The following DOCK6 variants were observed in gnomAD, a reference collection of about 807,000 sequenced individuals.
DOCK6 encodes dedicator of cytokinesis protein 6.
In DOCK6, 167 loss-of-function variants were observed where a neutral mutation model predicts 230.3. The observed-to-expected ratio is 0.73, with a 90% CI of 0.64 to 0.82. The LOEUF is 0.82. Ranked by LOEUF, DOCK6 falls within the 40% of genes least tolerant of loss-of-function variation. DOCK6 has a pLI of 0.00. For missense variants in DOCK6, 2,598 were observed against 2,825.8 expected (o/e 0.92, Z 1.83); for synonymous variants, 1,148 against 1,185.0 (o/e 0.97, Z 0.64).
chr19:11,236,966 A>G lies in DOCK6; in HGVS notation c.2074-87T>C. On this transcript the variant is annotated intron_variant, in intron 18 of 47. Coordinates refer to ENST00000294618, the MANE Select transcript of DOCK6 (RefSeq NM_020812.4). This position sits in a 1 kb window ranked among gnomAD's most constrained non-coding sequence, Gnocchi z 5.2. The stretch of plus-strand genomic sequence containing the variant: ...GCGGCCCCAGCCATTGCGACACTGC[A>G]GCGTGAGTGTAGCCCGGTCTGGGGG... 1 of 1,363,958 alleles carries G rather than the reference A, an allele frequency of 7.3e-7. No homozygotes were observed. Among genetic ancestry groups the G allele is most frequent in the Non-Finnish European group, 1.0e-6 (1 of 1,001,082 alleles). The allele number at this position is 1,363,958 out of a possible 1,614,324, so 84.5% of individuals were successfully genotyped here. A position where few individuals can be genotyped will look rare whatever the true frequency, so the allele number is the denominator to read the frequency against.
rs2079581275 is a variant in DOCK6, at chr19:11,221,763, T to A, written c.3550+88A>T. Reference sequence around the variant, plus strand: ...ATCCTAATGTCTATACTCATACCAGTGACTGTGTTCTCCCACCTTTACTAT... The same window carrying A: ...ATCCTAATGTCTATACTCATACCAGAGACTGTGTTCTCCCACCTTTACTAT... On this transcript the variant is annotated intron_variant, in intron 28 of 47. Coordinates refer to ENST00000294618, the MANE Select transcript of DOCK6 (RefSeq NM_020812.4). 1.0e-5 allele frequency: 16 copies of A among 1,589,778 alleles called. No individual in the cohort carries two copies. In the South Asian group the frequency reaches 1.8e-4, roughly 18 times the overall value.
chr19:11,244,293 T>C (rs2079998216), intron 9 of DOCK6, among the ~76,000 whole-genome samples: 1 of 147,696 alleles, frequency 6.8e-6, no homozygotes, highest in Non-Finnish European at 1.5e-5. Context: ...ACAGGCTTGC[T>C]GTGAATTTTT....
chr19:11,221,669 G>A, intron 28 of DOCK6, 182 bp downstream of exon 28: 5 of 810,930 alleles, frequency 6.2e-6, no homozygotes, highest in Non-Finnish European at 9.7e-6. Context: ...CCATTACAGG[G>A]GAGAAACCTG....
chr19:11,232,156 A>G (rs2079775107), intron 22 of DOCK6: 1 of 1,279,698 alleles, frequency 7.8e-7, no homozygotes, highest in Non-Finnish European at 1.0e-6. Flanking sequence ...GTGGTGTCAC[A>G]TGAGTGCAGG....
At chr19:11,205,740 C>G (rs1430188190) in intron 39 of DOCK6, 3 of 151,886 alleles carry the variant, frequency 2.0e-5, no homozygotes, top group Non-Finnish European at 4.4e-5. Flanking sequence ...CTCCAAAGTG[C>G]TGGGATTACA....
rs1439671873 is a variant in DOCK6, at chr19:11,242,190, T to C, written c.1498A>G (p.Ile500Val). 2.7e-6 allele frequency: 4 copies of C among 1,463,862 alleles called. No homozygotes were observed. The highest frequency in any genetic ancestry group is 3.2e-5 in the South Asian group (2 of 61,984). 90.7% of individuals were successfully genotyped at this position (1,463,862 alleles called of 1,614,324 possible). The change falls in exon 14 of 48, where the codon ATT becomes GTT. Residue 500 changes from isoleucine (I) to valine (V), a missense_variant. By Grantham distance (29) the Ile-to-Val change is conservative. Transcript: ENST00000294618. The part of the protein sequence containing the change: ...RPVTAQLKID[I>V]SPAPENPHFC... ...TGGGGATTTTCAGGAGCCGGAGAAA[T>C]GTCGATCTTGAGCTGGGCTGGGAAG... is the stretch of plus-strand genomic sequence containing the variant.
Position 11,222,866 on chromosome 19 carries a change from G to C in DOCK6, c.3109C>G (p.Leu1037Val), listed in dbSNP as rs1283474862. ...GTGAATTCCATGCGCAGGGTCAGCA[G>C]GGCTGCTGGATTAGGGGACGACTGG... is the stretch of plus-strand genomic sequence containing the variant. ...RLQSSPNPAA[L>V]LTLRMEFTRI... Residue 1037 changes from leucine to valine, a missense_variant, in exon 26 of 48, where the codon CTG becomes GTG. Coordinates refer to ENST00000294618, the MANE Select transcript of DOCK6 (RefSeq NM_020812.4). This position sits in a 1 kb window ranked among gnomAD's most constrained non-coding sequence, Gnocchi z 4.0. 2 of 1,606,132 alleles carry C rather than the reference G, an allele frequency of 1.2e-6. No homozygotes were observed. Among genetic ancestry groups the C allele is most frequent in the Non-Finnish European group, 1.7e-6 (2 of 1,176,708 alleles).
chr19:11,251,806 A>T (rs2080121702), intron 5 of DOCK6: 1 of 322,260 alleles, frequency 3.1e-6, no homozygotes, highest in South Asian at 4.5e-5. Flanking sequence ...GTAGGTGCTC[A>T]GTAAATGTTG....
At chr19:11,241,870 G>A in intron 14 of DOCK6, 175 bp downstream of exon 14, 1 of 1,268,722 alleles carries the variant, frequency 7.9e-7, no homozygotes, top group Non-Finnish European at 1.1e-6. Flanking sequence ...AGCCCCATTG[G>A]GGAGGGGTGG....
chr19:11,203,209 A>C, intron 41 of DOCK6: 1 of 171,806 alleles, frequency 5.8e-6, no homozygotes, highest in Non-Finnish European at 1.3e-5. Flanking sequence ...GGAAGAAGGA[A>C]CCCCCTCCCT....
intron 8 of DOCK6, 29 bp downstream of exon 8, chr19:11,245,783 G>A (rs1212645695): frequency 8.2e-6 from 13 of 1,594,356 alleles, no homozygotes; most frequent in African/African-American, 1.3e-5. Context: ...GAGAAGGAAG[G>A]GGAGGAAAGA....
At chr19:11,240,263 G>A in intron 14 of DOCK6, 1 of 1,584,822 alleles carries the variant, frequency 6.3e-7, no homozygotes, top group Non-Finnish European at 8.6e-7. Context: ...GCGCCTGGCT[G>A]GGCCCTGCCT....
chr19:11,204,765 C>T (rs758214820), intron 39 of DOCK6, among the ~76,000 whole-genome samples: 4 of 152,134 alleles, frequency 2.6e-5, no homozygotes, highest in Non-Finnish European at 5.9e-5. Context: ...TGGTCTTGAA[C>T]TCCTGGGCTC....
At chr19:11,234,237 A>G (rs1033817267) in intron 21 of DOCK6, among the ~76,000 whole-genome samples, 4 of 151,898 alleles carry the variant, frequency 2.6e-5, no homozygotes, top group African/African-American at 7.3e-5. Context: ...TGACCTTGTC[A>G]TCTGCCTGAC....
intron 1 of DOCK6, among the ~76,000 whole-genome samples, chr19:11,254,524 C>A (rs1170113854): frequency 6.6e-6 from 1 of 152,036 alleles, no homozygotes; most frequent in Non-Finnish European, 1.5e-5. Context: ...GGAAACCCTG[C>A]CTCTACTAAA....
chr19:11,200,453 G>T lies in DOCK6; in HGVS notation c.5956C>A (p.Arg1986=), dbSNP rs36059048. The T allele has an allele frequency of 4.2e-5, 67 of 1,610,872 alleles. No individual in the cohort carries two copies. In the African/African-American group the frequency reaches 8.7e-4, roughly 21 times the overall value. ...GGCCCAATCAGGGCCTTATTTTTCC[G>T]CAGCGCATCCTCACATCTGAGGGCC... ...DFCKKCEDAL[R]KNKALIGPDQ... Residue 1986 remains arginine, a synonymous_variant, in exon 47 of 48, where the codon CGG becomes AGG. Transcript: ENST00000294618. This position sits in a 1 kb window ranked among gnomAD's most constrained non-coding sequence, Gnocchi z 4.3.
intron 1 of DOCK6, among the ~76,000 whole-genome samples, chr19:11,262,170 A>T (rs1214237659): frequency 6.6e-6 from 1 of 151,856 alleles, no homozygotes; most frequent in African/African-American, 2.4e-5. Flanking sequence ...GGCAGCCGCC[A>T]TCGCGCTCCC....
Position 11,201,004 on chromosome 19 carries a change from T to C in DOCK6, c.5737A>G (p.Thr1913Ala), listed in dbSNP as rs761880865. 2 of 1,613,874 alleles carry C rather than the reference T, an allele frequency of 1.2e-6. No homozygotes were observed. Among genetic ancestry groups the C allele is most frequent in the South Asian group, 1.1e-5 (1 of 91,062 alleles). ...TCGGTGGCAAAGGCCAGCTCCCGTG[T>C]CTTCTTCTGCATGTCCTCGATGGCC... Reference protein sequence around the residue: ...EVAIEDMQKKTRELAFATEQD... With the variant: ...EVAIEDMQKKARELAFATEQD... Residue 1913 changes from threonine (T) to alanine (A), a missense_variant, in exon 45 of 48, where the codon ACA becomes GCA. Physicochemically the swap from Thr to Ala is moderately conservative, Grantham distance 58. Transcript: ENST00000294618. This position sits in a 1 kb window ranked among gnomAD's most constrained non-coding sequence, Gnocchi z 4.3.
At chr19:11,226,265 T>C (rs1717797457) in intron 24 of DOCK6, among the ~76,000 whole-genome samples, 1 of 152,180 alleles carries the variant, frequency 6.6e-6, no homozygotes. Context: ...AGTCGTGTGG[T>C]ACAAGGTTAA....
Sources: allele counts gnomAD v4.1 joint callset (sites outside exome capture counted in the v4.1 genomes callset), GRCh38; gene constraint gnomAD v4.1.1; non-coding constraint Gnocchi (gnomAD v3.1); transcripts MANE v1.5; gene names NCBI Gene and HGNC (gene_info 2026-07-23, HGNC 2026-07-21).